Variants in KIF20A observed in about 807,000 individuals in gnomAD.
KIF20A encodes the protein kinesin family member 20A, also known as kinesin-like protein KIF20A.
In KIF20A, 66 loss-of-function variants were observed where a neutral mutation model predicts 113.0. That is an observed-to-expected ratio of 0.58 (90% CI 0.48 to 0.72). The LOEUF is 0.72. KIF20A is among the 30% of genes least tolerant of loss of function. The pLI, the probability that KIF20A is intolerant of heterozygous loss-of-function variation, is 0.00. For synonymous variants in KIF20A, 376 were observed against 402.3 expected, an observed-to-expected ratio of 0.93 and a Z score of 0.78; for missense variants, 927 against 1,077.6, an observed-to-expected ratio of 0.86 and a Z score of 1.96.
Position 138,183,909 on chromosome 5 carries a change from A to G in KIF20A, c.1209-53A>G. On this transcript the variant is annotated intron_variant, in intron 10 of 18. Coordinates refer to ENST00000394894, the MANE Select transcript of KIF20A (RefSeq NM_005733.3). The surrounding 1 kb of genome is among the most constrained non-coding windows in gnomAD (Gnocchi z 5.2). ...CCTCTCCAGAATTATACAAAGGGCC[A>G]GAAGGCTCATAACATGTGAGGCCCT... The G allele has an allele frequency of 6.2e-7, 1 of 1,610,826 alleles. No individual in the cohort carries two copies. Among genetic ancestry groups the G allele is most frequent in the Middle Eastern group, 1.7e-4 (1 of 6,032 alleles).
chr5:138,181,839 C>G, intron 4 of KIF20A, 111 bp downstream of exon 4: 1 of 1,284,132 alleles, frequency 7.8e-7, no homozygotes, highest in Admixed American at 2.2e-5. Context: ...TATATGCACA[C>G]CTACAATTTT....
Position 138,184,820 on chromosome 5 carries a change from T to A in KIF20A, c.1697T>A (p.Val566Asp), listed in dbSNP as rs777330463. 2 of 1,614,032 alleles carry A rather than the reference T, an allele frequency of 1.2e-6. No homozygotes were observed. The change falls in exon 14 of 19, where the codon GTT (valine) becomes GAT (aspartate). Residue 566 changes from valine to aspartate, a missense_variant. Physicochemically the swap from Val to Asp is radical, Grantham distance 152. Transcript: ENST00000394894. ...TGTCTCTCCTAGGAGCTCCTACAAG[T>A]TGTGGAAGCCATGAAGACACTGCTT... is the stretch of plus-strand genomic sequence containing the variant. ...SMYGKEELLQ[V>D]VEAMKTLLLK...
In KIF20A at chr5:138,183,714, T is replaced by TA; in HGVS notation, c.1167dup (p.His390ThrfsTer19). ...CACAGCATCTTCTCAATCAGGATCC[T>TA]ACACCTTCAGGGGGAAGGAGATATA... On this transcript the variant is annotated frameshift_variant, in exon 10 of 19. Coordinates refer to ENST00000394894, the MANE Select transcript of KIF20A (RefSeq NM_005733.3). LOFTEE classifies it high-confidence loss of function. The surrounding 1 kb of genome is among the most constrained non-coding windows in gnomAD (Gnocchi z 5.2). 1 of 1,613,826 alleles carries TA rather than the reference T, an allele frequency of 6.2e-7. No individual in the cohort carries two copies. Among genetic ancestry groups the TA allele is most frequent in the Non-Finnish European group, 8.5e-7 (1 of 1,179,776 alleles).
rs1754714268 is a variant in KIF20A, at chr5:138,184,579, T to C, written c.1586T>C (p.Leu529Pro). 2 of 1,614,162 alleles carry C rather than the reference T, an allele frequency of 1.2e-6. No individual in the cohort carries two copies. The highest frequency in any genetic ancestry group is 1.7e-6 in the Non-Finnish European group (2 of 1,180,016). The change falls in exon 13 of 19, where the codon CTT becomes CCT. Residue 529 changes from leucine (L) to proline (P), a missense_variant. Coordinates refer to ENST00000394894, the MANE Select transcript of KIF20A (RefSeq NM_005733.3). The stretch of plus-strand genomic sequence containing the variant: ...CACTCGTTCATCAAGGAACATAGTC[T>C]TCAGGTATCCCCCAGCTTAGAGAAA... ...SLHSFIKEHS[L>P]QVSPSLEKGA...
At position 138,182,359 on chromosome 5, in the gene KIF20A, A is replaced by G. The variant is rs755035569; in HGVS notation, c.412A>G (p.Asn138Asp). The G allele has an allele frequency of 1.2e-6, 2 of 1,614,194 alleles. No homozygotes were observed. Among genetic ancestry groups the G allele is most frequent in the South Asian group, 1.1e-5 (1 of 91,080 alleles). The change falls in exon 5 of 19, where the codon AAC becomes GAC. Residue 138 changes from asparagine to aspartate, a missense_variant. By Grantham distance (23) the Asn-to-Asp change is conservative (BLOSUM62 1). Coordinates refer to ENST00000394894, the MANE Select transcript of KIF20A (RefSeq NM_005733.3). ...AGAAGTGGGACAGGCATCCTTCTTC[A>G]ACCTAACTGTGAAGGAGATGGTAAA... ...GPEVGQASFFNLTVKEMVKDV... is the reference protein window; with the variant it reads ...GPEVGQASFFDLTVKEMVKDV...
chr5:138,187,572 T>G lies in KIF20A; in HGVS notation c.*159T>G, dbSNP rs901041358. The stretch of plus-strand genomic sequence containing the variant: ...TTCTCACTTTTGTATTATAACCACC[T>G]ATGTAATCTCATGTTGTTGTTTTTT... On this transcript the variant is annotated 3_prime_UTR_variant, in exon 19 of 19. Coordinates refer to ENST00000394894, the MANE Select transcript of KIF20A (RefSeq NM_005733.3). The G allele has an allele frequency of 3.5e-6, 2 of 569,012 alleles. No homozygotes were observed. The highest frequency in any genetic ancestry group is 5.8e-5 in the South Asian group (2 of 34,776). 35.2% of individuals were successfully genotyped at this position (569,012 alleles called of 1,614,324 possible).
At position 138,183,682 on chromosome 5, in the gene KIF20A, T is replaced by A; in HGVS notation, c.1140-6T>A. On this transcript the variant is annotated splice_polypyrimidine_tract_variant and splice_region_variant and intron_variant, in intron 9 of 18. Coordinates refer to ENST00000394894, the MANE Select transcript of KIF20A (RefSeq NM_005733.3). This position sits in a 1 kb window ranked among gnomAD's most constrained non-coding sequence, Gnocchi z 5.2. ...GCAATGACTTTTTGTTTTTCTTAAC[T>A]TCCAGTCACAGCATCTTCTCAATCA... is the stretch of plus-strand genomic sequence containing the variant. 1.2e-6 allele frequency: 2 copies of A among 1,613,588 alleles called. No individual in the cohort carries two copies. The highest frequency in any genetic ancestry group is 1.7e-6 in the Non-Finnish European group (2 of 1,179,652).
In KIF20A at chr5:138,184,879, A is replaced by G; in HGVS notation, c.1756A>G (p.Met586Val). ...KERQEKLQLE[M>V]HLRDEICNEM... ...ACGACAGGAAAAGCTACAGCTGGAG[A>G]TGCATCTCCGAGATGAAATTTGCAA... The change falls in exon 14 of 19, where the codon ATG (methionine) becomes GTG (valine). Residue 586 changes from methionine (M) to valine (V), a missense_variant. Coordinates refer to ENST00000394894, the MANE Select transcript of KIF20A (RefSeq NM_005733.3). 6.2e-7 allele frequency: 1 copy of G among 1,614,160 alleles called. No homozygotes were observed. The highest frequency in any genetic ancestry group is 8.5e-7 in the Non-Finnish European group (1 of 1,179,994).
chr5:138,186,876 T>C (rs1754754057), intron 18 of KIF20A, among the ~76,000 whole-genome samples: 1 of 152,242 alleles, frequency 6.6e-6, no homozygotes, highest in Admixed American at 6.5e-5. Flanking sequence ...AAGCTCATAC[T>C]ACCTTATGTG....
In KIF20A at chr5:138,183,054, G is replaced by T. The variant is rs947005155; in HGVS notation, c.832+64G>T. 1 of 1,609,832 alleles carries T rather than the reference G, an allele frequency of 6.2e-7. No homozygotes were observed. Among genetic ancestry groups the T allele is most frequent in the Non-Finnish European group, 8.5e-7 (1 of 1,177,306 alleles). ...AACTCACTCCCTGTTCCTAATAGCT[G>T]CCAGGAGTACAGACCAGAGGTTGCA... is the stretch of plus-strand genomic sequence containing the variant. On this transcript the variant is annotated intron_variant, in intron 7 of 18. Transcript: ENST00000394894. This position sits in a 1 kb window ranked among gnomAD's most constrained non-coding sequence, Gnocchi z 5.2.
In KIF20A at chr5:138,183,454, T is replaced by G. The variant is rs749142473; in HGVS notation, c.1028-16T>G. 2 of 1,612,414 alleles carry G rather than the reference T, an allele frequency of 1.2e-6. No homozygotes were observed. The highest frequency in any genetic ancestry group is 1.7e-6 in the Non-Finnish European group (2 of 1,178,692). ...GTTGGATGTTCCCATCTTACACCCC[T>G]CTCCTTTGGCCCCAGATCTCAACTG... On this transcript the variant is annotated splice_polypyrimidine_tract_variant and intron_variant, in intron 8 of 18. Coordinates refer to ENST00000394894, the MANE Select transcript of KIF20A (RefSeq NM_005733.3). This position sits in a 1 kb window ranked among gnomAD's most constrained non-coding sequence, Gnocchi z 5.2.
rs1471264671 is a variant in KIF20A at position 138,182,233 on chromosome 5, C to A, written c.376-90C>A. ...CTGCTTGAGTGGTCTCCAGAGCCAA[C>A]CACTCAGGAAGGAATATATCTGCTG... On this transcript the variant is annotated intron_variant, in intron 4 of 18. Transcript: ENST00000394894. The A allele has an allele frequency of 6.9e-6, 10 of 1,457,160 alleles. No individual in the cohort carries two copies. In the East Asian group the frequency reaches 1.8e-4, roughly 26 times the overall value. The allele number at this position is 1,457,160 out of a possible 1,614,324, so 90.3% of individuals were successfully genotyped here.
rs1361252047 is a variant in KIF20A at position 138,179,822 on chromosome 5, A to G, written c.142A>G (p.Thr48Ala). 4.3e-6 allele frequency: 7 copies of G among 1,613,720 alleles called. No homozygotes were observed. The highest frequency in any genetic ancestry group is 5.9e-6 in the Non-Finnish European group (7 of 1,179,992). The change falls in exon 2 of 19, where the codon ACC (threonine) becomes GCC (alanine). Residue 48 changes from threonine (T) to alanine (A), a missense_variant. Transcript: ENST00000394894. ...GCTATCAGACTGCTCTGTCGTCTCT[A>G]CCTCCCTAGAGGACAAGCAGCAGGT... ...NLLSDCSVVS[T>A]SLEDKQQVPS...
At position 138,183,400 on chromosome 5, in the gene KIF20A, AG is replaced by A; in HGVS notation, c.1027+40del. The A allele has an allele frequency of 1.2e-6, 2 of 1,613,222 alleles. No individual in the cohort carries two copies. The highest frequency in any genetic ancestry group is 1.7e-6 in the Non-Finnish European group (2 of 1,179,222). On this transcript the variant is annotated intron_variant, in intron 8 of 18. Transcript: ENST00000394894. The surrounding 1 kb of genome is among the most constrained non-coding windows in gnomAD (Gnocchi z 5.2). The stretch of plus-strand genomic sequence containing the variant: ...TGGGGAAAGCTGGCATGAACCCTGG[AG>A]GGCAACTGGGGAGAGACTGGCAAAA...
intron 16 of KIF20A, 47 bp from the exon 17 acceptor site, chr5:138,185,914 G>C (rs756379914): frequency 6.4e-7 from 1 of 1,554,218 alleles, no homozygotes; most frequent in Non-Finnish European, 8.9e-7. Context: ...TTAGTCCAAG[G>C]CTAAAAAAAC....
Position 138,179,593 on chromosome 5 carries a change from C to A in KIF20A, c.-21-67C>A, listed in dbSNP as rs566656879. 6.6e-6 allele frequency: 9 copies of A among 1,357,966 alleles called. No individual in the cohort carries two copies. In the Admixed American group the frequency reaches 1.6e-4, roughly 25 times the overall value. The allele number at this position is 1,357,966 out of a possible 1,614,324, so 84.1% of individuals were successfully genotyped here. ...TGTCCTGGGGCAAGGGACTTATTAC[C>A]TAAAATTCGCGGCCCCTTCTGTCCC... On this transcript the variant is annotated intron_variant, in intron 1 of 18. Transcript: ENST00000394894.
At chr5:138,182,529 C>G (rs1754675614) in intron 5 of KIF20A, 57 bp from the exon 6 acceptor site, 7 of 1,612,262 alleles carry the variant, frequency 4.3e-6, no homozygotes, top group African/African-American at 4.0e-5. Context: ...TTTTGAGACT[C>G]TGAGTTAGGG....
At position 138,181,528 on chromosome 5, in the gene KIF20A, G is replaced by C; in HGVS notation, c.255+17G>C. The C allele has an allele frequency of 1.2e-6, 2 of 1,614,038 alleles. No individual in the cohort carries two copies. Among genetic ancestry groups the C allele is most frequent in the Non-Finnish European group, 1.7e-6 (2 of 1,179,880 alleles). On this transcript the variant is annotated intron_variant, in intron 3 of 18. Transcript: ENST00000394894. ...GAAGATCAGGTAAGTGTCTGAGAAGGGAGGATTCAAGGTGAAATGATGCAG... is the reference window on the plus strand; with the variant it reads ...GAAGATCAGGTAAGTGTCTGAGAAGCGAGGATTCAAGGTGAAATGATGCAG...
At position 138,179,623 on chromosome 5, in the gene KIF20A, G is replaced by T. The variant is rs952890177; in HGVS notation, c.-21-37G>T. 50 of 1,600,482 alleles carry T rather than the reference G, an allele frequency of 3.1e-5. No homozygotes were observed. In the African/African-American group the frequency reaches 5.9e-4, roughly 19 times the overall value. On this transcript the variant is annotated intron_variant, in intron 1 of 18. Coordinates refer to ENST00000394894, the MANE Select transcript of KIF20A (RefSeq NM_005733.3). ...ATTCGCGGCCCCTTCTGTCCCTAAA[G>T]GTTCTTCTCCCTGCCCACTTTTTGG... is the stretch of plus-strand genomic sequence containing the variant.
Sources: allele counts gnomAD v4.1 joint callset (sites outside exome capture counted in the v4.1 genomes callset), GRCh38; gene constraint gnomAD v4.1.1; non-coding constraint Gnocchi (gnomAD v3.1); transcripts MANE v1.5; gene names NCBI Gene and HGNC (gene_info 2026-07-23, HGNC 2026-07-21).